The following VRK3 variants were observed in gnomAD, a reference collection of about 807,000 sequenced individuals.
VRK3 encodes the protein VRK serine/threonine kinase 3, also known as serine/threonine-protein kinase VRK3.
A neutral mutation model predicts 60.4 loss-of-function variants in VRK3; 50 were observed. The observed-to-expected ratio is 0.83, with a 90% CI of 0.66 to 1.05. The LOEUF (loss-of-function observed/expected upper bound fraction) is 1.05, where lower values mean the gene tolerates loss of function less well. Ranked by LOEUF, VRK3 falls within the 50% of genes least tolerant of loss-of-function variation. The probability of loss-of-function intolerance (pLI) is 0.00; values close to 1 mark genes in which losing one functional copy is unlikely to be tolerated. For synonymous variants in VRK3, 246 were observed against 227.8 expected, an observed-to-expected ratio of 1.08 and a Z score of -0.72; for missense variants, 549 against 585.3, an observed-to-expected ratio of 0.94 and a Z score of 0.64.
At chr19:50,010,837 C>G (rs552120838) in intron 3 of VRK3, among the ~76,000 whole-genome samples, 1 of 152,114 alleles carries the variant, frequency 6.6e-6, no homozygotes, top group East Asian at 1.9e-4. Context: ...CGCTTGAACA[C>G]GGGAGGTGGA....
chr19:50,004,763 A>T (rs546715564), intron 5 of VRK3, among the ~76,000 whole-genome samples: 1 of 152,010 alleles, frequency 6.6e-6, no homozygotes, highest in South Asian at 2.1e-4. Flanking sequence ...TTAAAAAATT[A>T]GCCTGGCGTG....
chr19:49,993,995 A>G (rs545838250), intron 9 of VRK3, among the ~76,000 whole-genome samples: 1 of 152,048 alleles, frequency 6.6e-6, no homozygotes, highest in Non-Finnish European at 1.5e-5. Context: ...AGTGCCCTCA[A>G]GACAGATCCC....
At chr19:49,981,064 C>T in intron 12 of VRK3, 51 bp from the exon 13 acceptor site, 2 of 1,540,130 alleles carry the variant, frequency 1.3e-6, no homozygotes, top group Non-Finnish European at 1.8e-6. Flanking sequence ...AGGAGAGCAA[C>T]CTTTTAAAAC....
At chr19:50,017,470 A>C (rs2077096791) in intron 2 of VRK3, among the ~76,000 whole-genome samples, 1 of 146,344 alleles carries the variant, frequency 6.8e-6, no homozygotes, top group South Asian at 2.3e-4. Flanking sequence ...GCTACTCGGG[A>C]GGCTGAGGCA....
intron 5 of VRK3, among the ~76,000 whole-genome samples, chr19:50,004,300 C>T (rs1010349012): frequency 1.3e-5 from 2 of 152,010 alleles, no homozygotes; most frequent in African/African-American, 2.4e-5. Flanking sequence ...CTCTCCCCAC[C>T]CTGCTCTCTC....
Position 50,009,323 on chromosome 19 carries a change from T to G in VRK3, c.202A>C (p.Thr68Pro). 1 of 1,614,094 alleles carries G rather than the reference T, an allele frequency of 6.2e-7. No individual in the cohort carries two copies. The highest frequency in any genetic ancestry group is 8.5e-7 in the Non-Finnish European group (1 of 1,180,020). The change falls in exon 4 of 15, where the codon ACC becomes CCC. Residue 68 changes from threonine to proline, a missense_variant. Thr to Pro is a conservative substitution (Grantham distance 38). Transcript: ENST00000316763. ...AGGGATAATCGGGGAGAGGTGACGG[T>G]GCTGGACCATTTCACTTTCTTAGGA... is the stretch of plus-strand genomic sequence containing the variant. ...TSPKKVKWSS[T>P]VTSPRLSLFS...
At chr19:50,002,545 C>T (rs1458430699) in intron 5 of VRK3, among the ~76,000 whole-genome samples, 5 of 152,070 alleles carry the variant, frequency 3.3e-5, no homozygotes, top group East Asian at 3.9e-4. Flanking sequence ...CGTACGTGCC[C>T]GGTACTCAGA....
At chr19:49,990,455 C>T (rs75621843) in intron 10 of VRK3, among the ~76,000 whole-genome samples, 171 of 151,762 alleles carry the variant, frequency 1.1e-3, no homozygotes, top group Non-Finnish European at 1.9e-3. Flanking sequence ...GGCGCGATCA[C>T]GGCTCACTGC....
At position 49,994,672 on chromosome 19, in the gene VRK3, T is replaced by A. The variant is rs1186880654; in HGVS notation, c.870+142A>T. ...ACCCATCATCTCGGCTCTAACCGCC[T>A]GCCATGGCAGTCAGTGAGCCAGCCC... On this transcript the variant is annotated intron_variant, in intron 9 of 14. Transcript: ENST00000316763. 5.3e-6 allele frequency: 4 copies of A among 753,610 alleles called. No individual in the cohort carries two copies. The African/African-American group carries it at 7.1e-5, about 13-fold the overall frequency. 46.7% of individuals were successfully genotyped at this position (753,610 alleles called of 1,614,324 possible).
intron 10 of VRK3, among the ~76,000 whole-genome samples, chr19:49,992,444 T>G (rs2076627576): frequency 6.6e-6 from 1 of 152,236 alleles, no homozygotes; most frequent in Admixed American, 6.5e-5. Flanking sequence ...CATTTAAAAC[T>G]GTGACTGTTA....
At position 49,981,001 on chromosome 19, in the gene VRK3, C is replaced by T; in HGVS notation, c.1230G>A (p.Lys410=). The change falls in exon 13 of 15, where the codon AAG becomes AAA. Residue 410 remains lysine, a synonymous_variant. Transcript: ENST00000316763. ...CGCAGGGTCCCACGAAGGGCCCCGG[C>T]TTATCAACAAACCTGAAGGGACAGA... ...IMKQKQKFVD[K]PGPFVGPCGH... is the part of the protein sequence containing the mutation. The T allele has an allele frequency of 6.2e-7, 1 of 1,612,536 alleles. No individual in the cohort carries two copies. Among genetic ancestry groups the T allele is most frequent in the Non-Finnish European group, 8.5e-7 (1 of 1,179,350 alleles).
At chr19:49,991,168 G>A (rs1034009404) in intron 10 of VRK3, among the ~76,000 whole-genome samples, 1 of 152,202 alleles carries the variant, frequency 6.6e-6, no homozygotes, top group Admixed American at 6.5e-5. Flanking sequence ...TATTCTGGGA[G>A]TGTCTATGAG....
chr19:49,988,554 A>T, intron 11 of VRK3, 62 bp from the exon 12 acceptor site: 1 of 1,567,036 alleles, frequency 6.4e-7, no homozygotes, highest in Non-Finnish European at 8.6e-7. Context: ...TGGTGGGTCC[A>T]CCCCCCTTCC....
At position 49,988,457 on chromosome 19, in the gene VRK3, A is replaced by G; in HGVS notation, c.1132T>C (p.Tyr378His). 6.2e-7 allele frequency: 1 copy of G among 1,613,732 alleles called. No homozygotes were observed. Among genetic ancestry groups the G allele is most frequent in the Non-Finnish European group, 8.5e-7 (1 of 1,179,748 alleles). ...SRRSDLQSLG[Y>H]CMLKWLYGFL... ...CCGTAGAGCCACTTCAGCATGCAGT[A>G]GCCCAGGCTCTGGAGGTCGCTGCGG... The change falls in exon 12 of 15, where the codon TAC becomes CAC. Residue 378 changes from tyrosine (Y) to histidine (H), a missense_variant. Transcript: ENST00000316763.
chr19:50,007,929 C>A, intron 4 of VRK3, 103 bp from the exon 5 acceptor site: 1 of 1,502,962 alleles, frequency 6.7e-7, no homozygotes, highest in South Asian at 1.3e-5. Flanking sequence ...CAAATTCGTT[C>A]ATTCAACAAA....
chr19:49,994,969 G>A (rs1392675695), intron 8 of VRK3, 50 bp from the exon 9 acceptor site: 3 of 1,561,704 alleles, frequency 1.9e-6, no homozygotes, highest in East Asian at 2.3e-5. Context: ...GGGGAGAGAG[G>A]AGTACCGGCC....
chr19:50,001,075 C>T lies in VRK3; in HGVS notation c.548-221G>A, dbSNP rs1206352037. The T allele has an allele frequency of 1.2e-5, 6 of 513,154 alleles. No individual in the cohort carries two copies. In the Admixed American group the frequency reaches 1.4e-4, roughly 12 times the overall value. 31.8% of individuals were successfully genotyped at this position (513,154 alleles called of 1,614,324 possible). A position where few individuals can be genotyped will look rare whatever the true frequency, so the allele number is the denominator to read the frequency against. On this transcript the variant is annotated intron_variant, in intron 5 of 14. Coordinates refer to ENST00000316763, the MANE Select transcript of VRK3 (RefSeq NM_016440.4). ...AGCCATGCAGGAAGGGCTAATGCAG[C>T]AGGCCTGAGACGGCTCTCCTGGCAA... is the stretch of plus-strand genomic sequence containing the variant.
rs1244906473 is a variant in VRK3, at chr19:50,016,143, T to C, written c.20A>G (p.Asp7Gly). Reference sequence around the variant, plus strand: ...TGCCGCTTGGATACTTTTGCCACAGTCTGGACAGAAGGAGATCATGCTACA... The same window carrying C: ...TGCCGCTTGGATACTTTTGCCACAGCCTGGACAGAAGGAGATCATGCTACA... MISFCP[D>G]CGKSIQAAFK... Residue 7 changes from aspartate (D) to glycine (G), a missense_variant, in exon 3 of 15, where the codon GAC becomes GGC. Transcript: ENST00000316763. 1 of 1,614,194 alleles carries C rather than the reference T, an allele frequency of 6.2e-7. No individual in the cohort carries two copies. The highest frequency in any genetic ancestry group is 8.5e-7 in the Non-Finnish European group (1 of 1,180,046).
intron 3 of VRK3, among the ~76,000 whole-genome samples, chr19:50,015,231 A>C (rs1008780188): frequency 6.6e-6 from 1 of 152,132 alleles, no homozygotes; most frequent in Non-Finnish European, 1.5e-5. Flanking sequence ...GGAAATCTGA[A>C]ATGCAAAATG....
Sources: gnomAD v4.1 joint callset for allele counts (sites outside exome capture counted in the v4.1 genomes callset) on GRCh38, gnomAD v4.1.1 for gene constraint, MANE v1.5 for transcripts, NCBI Gene and HGNC (gene_info 2026-07-23, HGNC 2026-07-21) for gene names.